The following SPICE1 variants were observed in gnomAD, a reference collection of about 807,000 sequenced individuals.
SPICE1 encodes the protein spindle and centriole-associated protein 1.
In SPICE1, 75 loss-of-function variants were observed where a neutral mutation model predicts 102.7. The ratio of observed to expected loss-of-function variants is 0.73; its 90% CI spans 0.61 to 0.88. The LOEUF is 0.88. Among genes scored for constraint, SPICE1 ranks in the 40% least tolerant of loss-of-function variants. The pLI is 0.00. For synonymous variants in SPICE1, 308 were observed against 350.3 expected, an observed-to-expected ratio of 0.88 and a Z score of 1.35; for missense variants, 979 against 1,020.1, an observed-to-expected ratio of 0.96 and a Z score of 0.55.
chr3:113,495,131 T>A (rs1936854502), intron 4 of SPICE1, among the ~76,000 whole-genome samples: 1 of 152,336 alleles, frequency 6.6e-6, no homozygotes, highest in Admixed American at 6.5e-5. Flanking sequence ...GATTATGCAC[T>A]TTCAACTTAG....
chr3:113,457,335 A>G lies in SPICE1; in HGVS notation c.1458T>C (p.Asn486=). 1.9e-6 allele frequency: 3 copies of G among 1,614,230 alleles called. No individual in the cohort carries two copies. Among genetic ancestry groups the G allele is most frequent in the Non-Finnish European group, 2.5e-6 (3 of 1,180,042 alleles). The change falls in exon 13 of 18, where the codon AAT becomes AAC. Residue 486 remains asparagine (N), a synonymous_variant. Coordinates refer to ENST00000295872, the MANE Select transcript of SPICE1 (RefSeq NM_144718.4). ...DSPERPVVNA[N]VSVPLMFREE... ...CTCTGAACATCAATGGCACTGAGAC[A>G]TTGGCATTTACAACTGGACGCTCTG...
chr3:113,505,214 C>A (rs1288493007), intron 2 of SPICE1, among the ~76,000 whole-genome samples: 1 of 152,052 alleles, frequency 6.6e-6, no homozygotes, highest in Non-Finnish European at 1.5e-5. Context: ...AAAATTCATG[C>A]GTAAATGAAC....
chr3:113,475,464 G>T (rs551481646), intron 7 of SPICE1, among the ~76,000 whole-genome samples: 4 of 150,666 alleles, frequency 2.7e-5, no homozygotes, highest in African/African-American at 9.8e-5. Context: ...TACCAAAGCC[G>T]GGCAGAGACA....
intron 7 of SPICE1, among the ~76,000 whole-genome samples, chr3:113,478,552 A>G (rs1193700363): frequency 6.6e-6 from 1 of 152,196 alleles, no homozygotes; most frequent in Admixed American, 6.6e-5. Context: ...AAAAACATGG[A>G]CCAAAAAACA....
At position 113,491,624 on chromosome 3, in the gene SPICE1, C is replaced by CAAAAAA. The variant is rs869171154; in HGVS notation, c.492+1576_492+1581dup. ...TGGGCGACAGAGCGAGACTCCGTCTCAAAAAAAAAAAAAAAAAAAAAAAAA... is the reference window on the plus strand; with the variant it reads ...TGGGCGACAGAGCGAGACTCCGTCTCAAAAAAAAAAAAAAAAAAAAAAAAAAAAAAA... On this transcript the variant is annotated intron_variant, in intron 6 of 17. Transcript: ENST00000295872. Among the ~76,000 whole-genome samples the CAAAAAA allele has an allele frequency of 8.9e-4, 34 of 38,100 alleles. 2 individuals carry two copies. The highest frequency in any genetic ancestry group is 2.0e-3 in the African/African-American group (23 of 11,560). 25.0% of individuals were successfully genotyped at this position (38,100 alleles called of 152,430 possible). A position where few individuals can be genotyped will look rare whatever the true frequency, so the allele number is the denominator to read the frequency against.
At chr3:113,507,040 A>G (rs1937126746) in intron 1 of SPICE1, among the ~76,000 whole-genome samples, 2 of 152,224 alleles carry the variant, frequency 1.3e-5, no homozygotes, top group African/African-American at 4.8e-5. Flanking sequence ...CTAACACTCA[A>G]AATCACTACC....
intron 1 of SPICE1, among the ~76,000 whole-genome samples, chr3:113,508,209 C>T (rs552184692): frequency 3.6e-4 from 54 of 151,988 alleles, no homozygotes; most frequent in African/African-American, 1.1e-3. Flanking sequence ...CTTCGTGAGC[C>T]GTGGGTTAAG....
intron 10 of SPICE1, 81 bp downstream of exon 10, chr3:113,468,057 TG>T: frequency 6.6e-7 from 1 of 1,517,076 alleles, no homozygotes; most frequent in Non-Finnish European, 8.9e-7. Flanking sequence ...GTACTTTATT[TG>T]GAGGTTGCAA....
At chr3:113,470,551 G>A (rs1039835303) in intron 7 of SPICE1, among the ~76,000 whole-genome samples, 1 of 152,372 alleles carries the variant, frequency 6.6e-6, no homozygotes, top group African/African-American at 2.4e-5. Context: ...AGGATGAAAT[G>A]AAGGAAGGGT....
At chr3:113,472,556 C>T (rs968596933) in intron 7 of SPICE1, among the ~76,000 whole-genome samples, 20 of 152,186 alleles carry the variant, frequency 1.3e-4, no homozygotes, top group Non-Finnish European at 2.5e-4. Flanking sequence ...AGACTGACAC[C>T]TCACACGGCC....
At chr3:113,500,204 G>A (rs888392605) in intron 3 of SPICE1, among the ~76,000 whole-genome samples, 1 of 152,064 alleles carries the variant, frequency 6.6e-6, no homozygotes, top group African/African-American at 2.4e-5. Context: ...CACTAAGGTG[G>A]GTTCACTAAG....
chr3:113,459,980 C>T (rs1935888440), intron 12 of SPICE1: 2 of 984,986 alleles, frequency 2.0e-6, no homozygotes. Flanking sequence ...TTTGGTCAGC[C>T]ACTTCTTAGA....
In SPICE1 at chr3:113,469,601, A is replaced by C. The variant is rs148876041; in HGVS notation, c.612-363T>G. 2.7e-4 allele frequency among the ~76,000 whole-genome samples: 40 copies of C among 150,370 alleles called. No individual in the cohort carries two copies. In the East Asian group the frequency reaches 7.6e-3, roughly 28 times the overall value. On this transcript the variant is annotated intron_variant, in intron 7 of 17. Transcript: ENST00000295872. The stretch of plus-strand genomic sequence containing the variant: ...TATAAAAAATAGGTGCTATCATTTA[A>C]ACTGTTCAAATAGTTACATGTTTGA...
intron 7 of SPICE1, among the ~76,000 whole-genome samples, chr3:113,471,765 A>G (rs2107468300): frequency 6.6e-6 from 1 of 152,200 alleles, no homozygotes; most frequent in South Asian, 2.1e-4. Flanking sequence ...AGAAAAGCTC[A>G]CTTATTAAAA....
At chr3:113,472,709 A>G (rs190748203) in intron 7 of SPICE1, among the ~76,000 whole-genome samples, 204 of 152,316 alleles carry the variant, frequency 1.3e-3, no homozygotes, top group African/African-American at 4.5e-3. Flanking sequence ...ACTCCAACAG[A>G]CCTACAGCTG....
intron 14 of SPICE1, among the ~76,000 whole-genome samples, chr3:113,453,018 A>G (rs1430776755): frequency 6.6e-6 from 1 of 152,102 alleles, no homozygotes; most frequent in Admixed American, 6.6e-5. Flanking sequence ...AAACAAAACA[A>G]AAAAACCACC....
chr3:113,463,992 C>T (rs1057326863), intron 11 of SPICE1, among the ~76,000 whole-genome samples: 2 of 151,730 alleles, frequency 1.3e-5, no homozygotes, highest in African/African-American at 2.4e-5. Context: ...GGCGTGAACA[C>T]GAGAGGCAGA....
At chr3:113,452,751 G>A (rs1258432946) in intron 14 of SPICE1, among the ~76,000 whole-genome samples, 8 of 151,872 alleles carry the variant, frequency 5.3e-5, no homozygotes, top group South Asian at 2.1e-4. Flanking sequence ...AGGCTGAGGC[G>A]GGCAGATCAC....
chr3:113,494,054 C>A lies in SPICE1; in HGVS notation c.380G>T (p.Arg127Leu), dbSNP rs755208230. Residue 127 changes from arginine (R) to leucine (L), a missense_variant, in exon 5 of 18, where the codon CGC becomes CTC. Physicochemically the swap from Arg to Leu is moderately radical, Grantham distance 102. Transcript: ENST00000295872. ...AAAKELFPRR[R>L]TGFPNVTVAP... ...CTTTTGTTTGAATTGAATACCTGTG[C>A]GCCTACGAGGAAACAGCTCTTTTGC... The A allele has an allele frequency of 6.2e-7, 1 of 1,605,974 alleles. No individual in the cohort carries two copies. The highest frequency in any genetic ancestry group is 8.5e-7 in the Non-Finnish European group (1 of 1,175,966).
Sources: gnomAD v4.1 joint callset for allele counts (sites outside exome capture counted in the v4.1 genomes callset) on GRCh38, gnomAD v4.1.1 for gene constraint, MANE v1.5 for transcripts, NCBI Gene and HGNC (gene_info 2026-07-23, HGNC 2026-07-21) for gene names.